Variants in HECW2 observed in about 807,000 individuals in gnomAD.
HECW2 encodes the protein E3 ubiquitin-protein ligase HECW2.
HECW2 carries 61 observed loss-of-function variants against 175.2 expected under a neutral mutation model. The ratio of observed to expected loss-of-function variants is 0.35; its 90% CI spans 0.28 to 0.43. HECW2 has a LOEUF of 0.43. Among genes scored for constraint, HECW2 ranks in the 20% least tolerant of loss-of-function variants. HECW2 has a pLI of 1.00. For synonymous variants in HECW2, 671 were observed against 731.0 expected, an observed-to-expected ratio of 0.92 and a Z score of 1.32; for missense variants, 1,524 against 2,000.5, an observed-to-expected ratio of 0.76 and a Z score of 4.54.
At chr2:196,431,590 A>C (rs1027391018) in intron 2 of HECW2, among the ~76,000 whole-genome samples, 2 of 152,224 alleles carry the variant, frequency 1.3e-5, no homozygotes, top group African/African-American at 2.4e-5. Flanking sequence ...TCTAAAGAGA[A>C]GTTATATGAA....
intron 1 of HECW2, among the ~76,000 whole-genome samples, chr2:196,543,665 T>A (rs879893817): frequency 6.6e-5 from 10 of 152,196 alleles, no homozygotes; most frequent in Non-Finnish European, 1.3e-4. Context: ...CACGCTGGAA[T>A]GCAGTAGCGC....
chr2:196,372,556 A>G (rs1265178200), intron 2 of HECW2, among the ~76,000 whole-genome samples: 1 of 152,216 alleles, frequency 6.6e-6, no homozygotes, highest in Non-Finnish European at 1.5e-5. Context: ...ATCTGTGCAT[A>G]CAATGGGTAA....
chr2:196,403,025 T>C (rs575079194), intron 2 of HECW2, among the ~76,000 whole-genome samples: 14 of 152,328 alleles, frequency 9.2e-5, no homozygotes, highest in Middle Eastern at 6.8e-3. Context: ...CAGGCTCATA[T>C]TGAACTCCTG....
At chr2:196,525,494 T>C (rs1275146872) in intron 1 of HECW2, among the ~76,000 whole-genome samples, 7 of 147,462 alleles carry the variant, frequency 4.7e-5, no homozygotes, top group African/African-American at 1.8e-4. Context: ...GTTAATATTG[T>C]TATGTGTGAA....
chr2:196,407,290 C>T (rs1162048513), intron 2 of HECW2, among the ~76,000 whole-genome samples: 1 of 151,586 alleles, frequency 6.6e-6, no homozygotes, highest in Non-Finnish European at 1.5e-5. Context: ...CCTCCCACCT[C>T]AGCCTCCCAA....
At chr2:196,418,626 CAA>C (rs1695324236) in intron 2 of HECW2, among the ~76,000 whole-genome samples, 2 of 151,968 alleles carry the variant, frequency 1.3e-5, no homozygotes, top group African/African-American at 4.8e-5. Context: ...TTTTCGGAAA[CAA>C]GAGAATAAGA....
chr2:196,409,087 A>G (rs1379826228), intron 2 of HECW2, among the ~76,000 whole-genome samples: 1 of 152,192 alleles, frequency 6.6e-6, no homozygotes, highest in African/African-American at 2.4e-5. Flanking sequence ...ATGGAAATCT[A>G]AAAATACTAC....
At chr2:196,305,527 T>C (rs1292975860) in intron 13 of HECW2, among the ~76,000 whole-genome samples, 5 of 152,248 alleles carry the variant, frequency 3.3e-5, no homozygotes. Context: ...CTCTATGATC[T>C]ACTCTGTTTT....
intron 28 of HECW2, among the ~76,000 whole-genome samples, chr2:196,202,975 C>T (rs1219519436): frequency 6.6e-6 from 1 of 152,136 alleles, no homozygotes; most frequent in Non-Finnish European, 1.5e-5. Context: ...ACCATATTTA[C>T]ATAATTTGGT....
intron 21 of HECW2, 81 bp from the exon 22 acceptor site, chr2:196,228,335 C>T: frequency 8.0e-7 from 1 of 1,247,878 alleles, no homozygotes; most frequent in Non-Finnish European, 1.1e-6. Context: ...GCTCAAGTTT[C>T]CATAGGATGC....
intron 1 of HECW2, among the ~76,000 whole-genome samples, chr2:196,495,406 G>C (rs950050222): frequency 1.2e-4 from 18 of 152,122 alleles, no homozygotes; most frequent in African/African-American, 4.3e-4. Context: ...TGGGGGAGAG[G>C]AGGAGGATGA....
intron 28 of HECW2, among the ~76,000 whole-genome samples, chr2:196,208,118 T>C (rs1429582804): frequency 1.3e-5 from 2 of 152,224 alleles, no homozygotes; most frequent in Non-Finnish European, 2.9e-5. Context: ...CTAAAGACTA[T>C]AAAGTATCCG....
intron 14 of HECW2, among the ~76,000 whole-genome samples, chr2:196,284,021 C>G (rs1043026911): frequency 5.1e-4 from 77 of 152,318 alleles, no homozygotes; most frequent in Non-Finnish European, 2.9e-5. Context: ...TACATCATCT[C>G]CTTTTTTCCA....
At chr2:196,225,462 C>T (rs964018398) in intron 23 of HECW2, among the ~76,000 whole-genome samples, 2 of 152,082 alleles carry the variant, frequency 1.3e-5, no homozygotes, top group African/African-American at 4.8e-5. Flanking sequence ...GCATTAATAC[C>T]ACAGGAATCC....
At chr2:196,469,128 T>C (rs1347835618) in intron 1 of HECW2, among the ~76,000 whole-genome samples, 3 of 135,548 alleles carry the variant, frequency 2.2e-5, no homozygotes, top group African/African-American at 3.4e-5. Context: ...TGCGTGTGTG[T>C]GTGTGTGTGT....
chr2:196,510,944 C>A (rs1486531250), intron 1 of HECW2, among the ~76,000 whole-genome samples: 1 of 150,718 alleles, frequency 6.6e-6, no homozygotes, highest in Non-Finnish European at 1.5e-5. Context: ...GGGTTTTTTT[C>A]TTGTTTGTTT....
intron 2 of HECW2, among the ~76,000 whole-genome samples, chr2:196,381,024 G>A (rs1367464360): frequency 1.3e-5 from 2 of 152,038 alleles, no homozygotes; most frequent in African/African-American, 2.4e-5. Flanking sequence ...TACCATTCCC[G>A]AAGTGCTTCT....
intron 2 of HECW2, among the ~76,000 whole-genome samples, chr2:196,346,948 C>T (rs753564534): frequency 7.0e-6 from 1 of 143,104 alleles, no homozygotes; most frequent in Non-Finnish European, 1.5e-5. Flanking sequence ...GTGGAGTTTG[C>T]AGTGAGCCGA....
intron 1 of HECW2, among the ~76,000 whole-genome samples, chr2:196,506,819 A>G (rs1687775139): frequency 6.6e-6 from 1 of 152,192 alleles, no homozygotes; most frequent in Admixed American, 6.5e-5. Context: ...AGTAGTTCAC[A>G]TTCTGCCAAT....
Sources: gnomAD v4.1 joint callset for allele counts (sites outside exome capture counted in the v4.1 genomes callset) on GRCh38, gnomAD v4.1.1 for gene constraint, MANE v1.5 for transcripts, NCBI Gene and HGNC (gene_info 2026-07-23, HGNC 2026-07-21) for gene names.